The following KCNIP4 variants were observed in gnomAD, a reference collection of about 807,000 sequenced individuals.
The protein encoded by KCNIP4 is potassium voltage-gated channel interacting protein 4.
KCNIP4 carries 12 observed loss-of-function variants against 34.0 expected under a neutral mutation model. The ratio of observed to expected loss-of-function variants is 0.35; its 90% CI spans 0.23 to 0.57. The LOEUF is 0.57. KCNIP4 is among the 20% of genes least tolerant of loss of function. The pLI is 0.83. For synonymous variants in KCNIP4, 124 were observed against 102.2 expected, an observed-to-expected ratio of 1.21 and a Z score of -1.29; for missense variants, 238 against 311.7, an observed-to-expected ratio of 0.76 and a Z score of 1.78.
intron 1 of KCNIP4, among the ~76,000 whole-genome samples, chr4:21,727,265 TC>T (rs1252318552): frequency 2.5e-4 from 38 of 152,276 alleles, no homozygotes; most frequent in African/African-American, 8.9e-4. Flanking sequence ...CTTTCTCTCT[TC>T]TGTCCTTCTA....
intron 1 of KCNIP4, among the ~76,000 whole-genome samples, chr4:21,058,964 A>G (rs1163873389): frequency 6.6e-6 from 1 of 152,094 alleles, no homozygotes; most frequent in Non-Finnish European, 1.5e-5. Context: ...TAATTGAGTC[A>G]TGATAGTGAA....
chr4:21,939,378 G>A (rs886927188), intron 1 of KCNIP4, among the ~76,000 whole-genome samples: 12 of 152,070 alleles, frequency 7.9e-5, no homozygotes, highest in Admixed American at 7.9e-4. Flanking sequence ...GTTTAGATGT[G>A]TGCCCTTTCT....
At chr4:21,324,387 G>A (rs929357870) in intron 1 of KCNIP4, among the ~76,000 whole-genome samples, 1 of 151,940 alleles carries the variant, frequency 6.6e-6, no homozygotes, top group East Asian at 1.9e-4. Flanking sequence ...TGAAGTCTCA[G>A]ATTTAAGTAT....
intron 2 of KCNIP4, among the ~76,000 whole-genome samples, chr4:20,858,874 C>T (rs1721901374): frequency 1.3e-5 from 2 of 152,128 alleles, no homozygotes; most frequent in South Asian, 4.1e-4. Context: ...AATTGGGACT[C>T]ACATTTCTTA....
At chr4:21,501,688 T>TGTGTGTGTGTGTGTGTGTGTGTGTG (rs1553893355) in intron 1 of KCNIP4, among the ~76,000 whole-genome samples, 3 of 127,218 alleles carry the variant, frequency 2.4e-5, no homozygotes, top group Non-Finnish European at 5.0e-5. Flanking sequence ...TGCAGAAGCC[T>TGTGTGTGTGTGTGTGTGTGTGTGTG]TGTGTGTGTG....
At chr4:21,241,793 A>T (rs1759833366) in intron 1 of KCNIP4, among the ~76,000 whole-genome samples, 1 of 152,006 alleles carries the variant, frequency 6.6e-6, no homozygotes, top group Non-Finnish European at 1.5e-5. Context: ...CTTTTCTTGG[A>T]TTTGCTATCA....
At chr4:21,410,875 G>T (rs1724437025) in intron 1 of KCNIP4, among the ~76,000 whole-genome samples, 1 of 152,170 alleles carries the variant, frequency 6.6e-6, no homozygotes, top group African/African-American at 2.4e-5. Flanking sequence ...ATGTTGGGAT[G>T]AGGGTACTAT....
intron 1 of KCNIP4, among the ~76,000 whole-genome samples, chr4:20,950,027 TAAAA>T (rs1331563648): frequency 1.6e-4 from 21 of 130,066 alleles, no homozygotes; most frequent in Non-Finnish European, 3.3e-4. Context: ...AATAAATAAA[TAAAA>T]AAGAAAATGA....
At chr4:21,576,925 TA>T (rs1463548355) in intron 1 of KCNIP4, among the ~76,000 whole-genome samples, 5 of 152,160 alleles carry the variant, frequency 3.3e-5, no homozygotes. Flanking sequence ...ATGACACTCA[TA>T]ATAGTAATAG....
chr4:21,357,053 G>T (rs373056364), intron 1 of KCNIP4, among the ~76,000 whole-genome samples: 1 of 151,896 alleles, frequency 6.6e-6, no homozygotes, highest in African/African-American at 2.4e-5. Flanking sequence ...CTTACAAAAA[G>T]TATAAATGGG....
chr4:20,789,572 G>A (rs1712458515), intron 3 of KCNIP4, among the ~76,000 whole-genome samples: 1 of 151,968 alleles, frequency 6.6e-6, no homozygotes, highest in South Asian at 2.1e-4. Context: ...GCTGGGCTTG[G>A]CCCTGTGCCT....
chr4:21,457,103 T>C (rs1432730801), intron 1 of KCNIP4, among the ~76,000 whole-genome samples: 1 of 152,058 alleles, frequency 6.6e-6, no homozygotes, highest in Non-Finnish European at 1.5e-5. Context: ...TCTCCTTCCA[T>C]TTTACTGTCT....
At chr4:21,096,549 A>G (rs1043883646) in intron 1 of KCNIP4, among the ~76,000 whole-genome samples, 1 of 152,094 alleles carries the variant, frequency 6.6e-6, no homozygotes, top group African/African-American at 2.4e-5. Context: ...TTGAACATCA[A>G]AAATATTATT....
At chr4:20,770,518 C>A (rs1011284875) in intron 3 of KCNIP4, among the ~76,000 whole-genome samples, 1 of 151,216 alleles carries the variant, frequency 6.6e-6, no homozygotes, top group African/African-American at 2.4e-5. Flanking sequence ...AAAAGAAACA[C>A]GCAGTGTTTC....
At chr4:21,873,677 A>G (rs926354771) in intron 1 of KCNIP4, among the ~76,000 whole-genome samples, 4 of 152,238 alleles carry the variant, frequency 2.6e-5, no homozygotes, top group African/African-American at 7.2e-5. Context: ...GCCAACCACA[A>G]CAAAATTATA....
At chr4:21,688,726 C>A (rs889953188) in intron 1 of KCNIP4, among the ~76,000 whole-genome samples, 1 of 151,944 alleles carries the variant, frequency 6.6e-6, no homozygotes, top group Non-Finnish European at 1.5e-5. Context: ...TTGGGCTTGG[C>A]CAGTGGTTTC....
intron 1 of KCNIP4, among the ~76,000 whole-genome samples, chr4:21,523,831 C>T (rs1048708960): frequency 6.6e-6 from 1 of 152,060 alleles, no homozygotes; most frequent in African/African-American, 2.4e-5. Flanking sequence ...CCTCAGCCTC[C>T]CAAAGTGCTA....
intron 1 of KCNIP4, among the ~76,000 whole-genome samples, chr4:20,899,841 A>G (rs940354966): frequency 3.3e-5 from 5 of 152,172 alleles, no homozygotes; most frequent in African/African-American, 1.2e-4. Flanking sequence ...TGAGGTCTCC[A>G]AGAACATATT....
intron 1 of KCNIP4, among the ~76,000 whole-genome samples, chr4:21,836,579 T>C (rs1274017423): frequency 6.6e-6 from 1 of 152,196 alleles, no homozygotes; most frequent in Middle Eastern, 3.2e-3. Context: ...TGCAGTTAAC[T>C]AGTTCTCTAA....
Sources: allele counts gnomAD v4.1 joint callset (sites outside exome capture counted in the v4.1 genomes callset), GRCh38; gene constraint gnomAD v4.1.1; transcripts MANE v1.5; gene names NCBI Gene and HGNC (gene_info 2026-07-23, HGNC 2026-07-21).